The following GLIS1 variants were observed in gnomAD, a reference collection of about 807,000 sequenced individuals.
GLIS1 encodes the protein GLIS family zinc finger 1.
In GLIS1, 24 loss-of-function variants were observed where a neutral mutation model predicts 63.8. That is an observed-to-expected ratio of 0.38 (90% CI 0.27 to 0.53). GLIS1 has a LOEUF of 0.53. Among genes scored for constraint, GLIS1 ranks in the 20% least tolerant of loss-of-function variants. The probability of loss-of-function intolerance (pLI) is 0.85; values close to 1 mark genes in which losing one functional copy is unlikely to be tolerated. For synonymous variants in GLIS1, 450 were observed against 482.5 expected, an observed-to-expected ratio of 0.93 and a Z score of 0.88; for missense variants, 1,036 against 1,074.1, an observed-to-expected ratio of 0.96 and a Z score of 0.50.
At chr1:53,697,889 C>T (rs1332251451) in intron 2 of GLIS1, among the ~76,000 whole-genome samples, 1 of 152,142 alleles carries the variant, frequency 6.6e-6, no homozygotes, top group African/African-American at 2.4e-5. Context: ...GGCTCAGAGC[C>T]AGTGGTTCTA....
chr1:53,558,167 G>A (rs900369699), intron 4 of GLIS1, among the ~76,000 whole-genome samples: 1 of 152,192 alleles, frequency 6.6e-6, no homozygotes, highest in Non-Finnish European at 1.5e-5. Flanking sequence ...GCCTGCCCTC[G>A]GAGGTGCAAC....
In GLIS1 at chr1:53,594,974, C is replaced by T; in HGVS notation, c.454G>A (p.Ala152Thr). The change falls in exon 4 of 11, where the codon GCC (alanine) becomes ACC (threonine). Residue 152 changes from alanine to threonine, a missense_variant. Around this residue, in one of 3 missense-constraint regions of GLIS1, gnomAD observed 592 missense variants for 593.9 expected, o/e 1.00. Transcript: ENST00000628545. ...PHPDRSPRPQ[A>T]TYVNGSLPTT... Reference sequence around the variant, plus strand: ...GGGAGGCTGCCGTTCACATACGTGGCCTGGGGTCTAGGTGACCTGGAAGAC... The same window carrying T: ...GGGAGGCTGCCGTTCACATACGTGGTCTGGGGTCTAGGTGACCTGGAAGAC... 1 of 1,438,226 alleles carries T rather than the reference C, an allele frequency of 7.0e-7. No homozygotes were observed. Among genetic ancestry groups the T allele is most frequent in the Non-Finnish European group, 9.1e-7 (1 of 1,101,600 alleles). 89.1% of individuals were successfully genotyped at this position (1,438,226 alleles called of 1,614,324 possible).
chr1:53,730,011 T>C (rs922528551), intron 2 of GLIS1, among the ~76,000 whole-genome samples: 3 of 152,156 alleles, frequency 2.0e-5, no homozygotes, highest in African/African-American at 7.2e-5. Context: ...TGGAAGTGAT[T>C]GAGTTTCATT....
At chr1:53,562,334 A>G (rs1380999454) in intron 4 of GLIS1, among the ~76,000 whole-genome samples, 1 of 152,194 alleles carries the variant, frequency 6.6e-6, no homozygotes, top group Non-Finnish European at 1.5e-5. Flanking sequence ...GAAACAGGAC[A>G]CCAAGATTTT....
chr1:53,546,685 C>G (rs1644702826), intron 4 of GLIS1, among the ~76,000 whole-genome samples: 1 of 152,238 alleles, frequency 6.6e-6, no homozygotes, highest in African/African-American at 2.4e-5. Flanking sequence ...CAACCGACAC[C>G]AAGGTGCCTC....
At chr1:53,736,250 T>G (rs1308286015) in intron 2 of GLIS1, among the ~76,000 whole-genome samples, 1 of 152,224 alleles carries the variant, frequency 6.6e-6, no homozygotes, top group Non-Finnish European at 1.5e-5. Flanking sequence ...TTGGACATGT[T>G]TGGGGGCGTG....
intron 4 of GLIS1, among the ~76,000 whole-genome samples, chr1:53,533,459 G>C (rs1037298124): frequency 6.6e-6 from 1 of 152,242 alleles, no homozygotes; most frequent in Admixed American, 6.5e-5. Flanking sequence ...TGCCTGTGCT[G>C]TGCCCATGTA....
intron 2 of GLIS1, among the ~76,000 whole-genome samples, chr1:53,676,249 G>C (rs1352336217): frequency 6.6e-6 from 1 of 152,160 alleles, no homozygotes; most frequent in East Asian, 1.9e-4. Context: ...TAAGGGGTGG[G>C]GACAAGGAAA....
chr1:53,672,265 G>C (rs1646160451), intron 2 of GLIS1, among the ~76,000 whole-genome samples: 1 of 152,216 alleles, frequency 6.6e-6, no homozygotes, highest in African/African-American at 2.4e-5. Context: ...CATTAGATGA[G>C]GAATCCAGAG....
intron 2 of GLIS1, among the ~76,000 whole-genome samples, chr1:53,698,258 G>A (rs945539331): frequency 6.6e-6 from 1 of 152,128 alleles, no homozygotes; most frequent in African/African-American, 2.4e-5. Flanking sequence ...ACATCCCCTC[G>A]GAACGCACTC....
At chr1:53,628,831 G>A (rs1168382452) in intron 2 of GLIS1, among the ~76,000 whole-genome samples, 1 of 152,170 alleles carries the variant, frequency 6.6e-6, no homozygotes, top group African/African-American at 2.4e-5. Flanking sequence ...AGCACCCTGA[G>A]AGGTCAGAAG....
rs752636057 is a variant in GLIS1 at position 53,709,413 on chromosome 1, C to CATATATATACATATACATATATATAT, written c.259+28392_259+28393insATATATATATGTATATGTATATATAT. On this transcript the variant is annotated intron_variant, in intron 2 of 10. Coordinates refer to ENST00000628545, the MANE Select transcript of GLIS1 (RefSeq NM_001367484.1). ...ATATATACATATACATATATATATACACACACACACACACACACACACACA... is the reference window on the plus strand; with the variant it reads ...ATATATACATATACATATATATATACATATATATACATATACATATATATATACACACACACACACACACACACACA... 4.6e-3 allele frequency among the ~76,000 whole-genome samples: 568 copies of CATATATATACATATACATATATATAT among 124,654 alleles called. 2 individuals carry two copies. Among genetic ancestry groups the CATATATATACATATACATATATATAT allele is most frequent in the Non-Finnish European group, 6.3e-3 (398 of 63,260 alleles). The allele number at this position is 124,654 out of a possible 152,430, so 81.8% of individuals were successfully genotyped here.
At chr1:53,656,082 A>AG (rs1328874443) in intron 2 of GLIS1, among the ~76,000 whole-genome samples, 3 of 152,202 alleles carry the variant, frequency 2.0e-5, no homozygotes, top group Non-Finnish European at 4.4e-5. Flanking sequence ...CAACTGGGGA[A>AG]GGGGGGTTGG....
At chr1:53,522,093 C>T (rs1424925791) in intron 6 of GLIS1, among the ~76,000 whole-genome samples, 1 of 152,216 alleles carries the variant, frequency 6.6e-6, no homozygotes, top group Non-Finnish European at 1.5e-5. Context: ...CAGCTGTTTT[C>T]CATGTAAATT....
chr1:53,587,492 C>T (rs941958799), intron 4 of GLIS1, among the ~76,000 whole-genome samples: 2 of 152,188 alleles, frequency 1.3e-5, no homozygotes, highest in African/African-American at 2.4e-5. Flanking sequence ...TCATTTACAG[C>T]AGGATTCTCC....
intron 2 of GLIS1, among the ~76,000 whole-genome samples, chr1:53,625,037 C>T (rs1645580986): frequency 6.6e-6 from 1 of 152,182 alleles, no homozygotes; most frequent in African/African-American, 2.4e-5. Flanking sequence ...CTGATGACTG[C>T]TCTATCATGA....
At chr1:53,523,991 C>T (rs967062679) in intron 6 of GLIS1, among the ~76,000 whole-genome samples, 3 of 152,228 alleles carry the variant, frequency 2.0e-5, no homozygotes, top group South Asian at 4.1e-4. Flanking sequence ...CTGAATTCAC[C>T]GGCCCAACTC....
intron 2 of GLIS1, among the ~76,000 whole-genome samples, chr1:53,602,425 G>A (rs755008492): frequency 6.6e-5 from 10 of 152,074 alleles, no homozygotes; most frequent in Non-Finnish European, 1.3e-4. Flanking sequence ...ATCATCACAC[G>A]GAGCAGTTTC....
chr1:53,660,071 T>C (rs1646009713), intron 2 of GLIS1, among the ~76,000 whole-genome samples: 1 of 152,214 alleles, frequency 6.6e-6, no homozygotes. Flanking sequence ...TCAACAGTTC[T>C]TTGAGTCTAC....
Sources: allele counts gnomAD v4.1 joint callset (sites outside exome capture counted in the v4.1 genomes callset), GRCh38; gene constraint gnomAD v4.1.1; regional missense constraint gnomAD v4.1.1; transcripts MANE v1.5; gene names NCBI Gene and HGNC (gene_info 2026-07-23, HGNC 2026-07-21).